CYP4V2: variants seen among roughly 807,000 people sequenced by gnomAD.
The protein encoded by CYP4V2 is cytochrome P450 4V2.
CYP4V2 carries 55 observed loss-of-function variants against 60.8 expected under a neutral mutation model. That is an observed-to-expected ratio of 0.90 (90% CI 0.73 to 1.13). The LOEUF (loss-of-function observed/expected upper bound fraction) is 1.13, where lower values mean the gene tolerates loss of function less well. CYP4V2 is among the 50% of genes most tolerant of loss of function. CYP4V2 has a pLI of 0.00. For missense variants in CYP4V2, 675 were observed against 662.9 expected (o/e 1.02, Z -0.20); for synonymous variants, 239 against 236.8 (o/e 1.01, Z -0.08).
intron 5 of CYP4V2, among the ~76,000 whole-genome samples, chr4:186,198,030 C>A (rs764174648): frequency 1.3e-5 from 2 of 152,096 alleles, no homozygotes; most frequent in Non-Finnish European, 2.9e-5. Flanking sequence ...TGTTGTTATT[C>A]TTCTTCCCAT....
Position 186,191,921 on chromosome 4 carries a change from T to C in CYP4V2, c.98T>C (p.Leu33Pro), listed in dbSNP as rs777542729. ...GCCGGCGCCAGTCTGGTCCTGAGCC[T>C]GCTGCAGAGGGTGGCGAGCTACGCG... ...SLAGASLVLS[L>P]LQRVASYARK... The change falls in exon 1 of 11, where the codon CTG (leucine) becomes CCG (proline). Residue 33 changes from leucine (L) to proline (P), a missense_variant. Coordinates refer to ENST00000378802, the MANE Select transcript of CYP4V2 (RefSeq NM_207352.4). 6.3e-7 allele frequency: 1 copy of C among 1,594,556 alleles called. No homozygotes were observed. The highest frequency in any genetic ancestry group is 1.1e-5 in the South Asian group (1 of 88,576).
At chr4:186,196,453 G>A (rs1016204538) in intron 3 of CYP4V2, 6 of 342,060 alleles carry the variant, frequency 1.8e-5, no homozygotes, top group South Asian at 1.4e-4. Context: ...CCCCAGAGAA[G>A]TACAGTGAGC....
intron 1 of CYP4V2, among the ~76,000 whole-genome samples, chr4:186,193,122 A>G (rs1002182233): frequency 7.3e-6 from 1 of 137,254 alleles, no homozygotes; most frequent in Non-Finnish European, 1.7e-5. Context: ...TCCAACACAG[A>G]TATGAAAATC....
At position 186,195,073 on chromosome 4, in the gene CYP4V2, G is replaced by A. The variant is rs7684025; in HGVS notation, c.327+461G>A. 0.47 allele frequency among the ~76,000 whole-genome samples: 71,827 copies of A among 151,992 alleles called. 17,972 individuals are homozygous for A. Among genetic ancestry groups the A allele is most frequent in the African/African-American group, 0.64 (26,376 of 41,454 alleles). ...GGGATAAATATTACAAACCCATGCT[G>A]TTGAAATTAGTCCTCCAAAAAGCTG... On this transcript the variant is annotated intron_variant, in intron 2 of 10. Transcript: ENST00000378802. The surrounding 1 kb of genome is among the most constrained non-coding windows in gnomAD (Gnocchi z 4.1).
intron 8 of CYP4V2, among the ~76,000 whole-genome samples, chr4:186,207,487 C>T (rs752940343): frequency 2.7e-5 from 4 of 145,506 alleles, no homozygotes; most frequent in Non-Finnish European, 4.5e-5. Context: ...TATTACTTTG[C>T]ATTATTAATT....
intron 7 of CYP4V2, chr4:186,202,540 A>G (rs1344078125): frequency 6.6e-6 from 1 of 152,174 alleles, no homozygotes; most frequent in Non-Finnish European, 1.5e-5. Context: ...TGCATGTCGG[A>G]GTAGAGAGAT....
At chr4:186,197,463 C>T (rs1398445742) in intron 4 of CYP4V2, 70 bp from the exon 5 acceptor site, 4 of 1,473,464 alleles carry the variant, frequency 2.7e-6, no homozygotes, top group Non-Finnish European at 3.8e-6. Flanking sequence ...TAGTGTCTGC[C>T]GCTGCAAAAT....
At chr4:186,196,319 C>T (rs553318497) in intron 3 of CYP4V2, 263 of 555,634 alleles carry the variant, frequency 4.7e-4, no homozygotes, top group Non-Finnish European at 6.5e-4. Flanking sequence ...TAGCGACTGT[C>T]GCCAGTGTTC....
intron 1 of CYP4V2, among the ~76,000 whole-genome samples, chr4:186,192,624 T>C (rs1736024608): frequency 6.6e-6 from 1 of 152,110 alleles, no homozygotes; most frequent in African/African-American, 2.4e-5. Context: ...AAACGCCTTG[T>C]TTATTAAAGA....
Position 186,211,027 on chromosome 4 carries a change from CAG to C in CYP4V2, c.*387_*388del, listed in dbSNP as rs1736703503. 1 of 222,204 alleles carries C rather than the reference CAG, an allele frequency of 4.5e-6. No individual in the cohort carries two copies. 13.8% of individuals were successfully genotyped at this position (222,204 alleles called of 1,614,324 possible). A position where few individuals can be genotyped will look rare whatever the true frequency, so the allele number is the denominator to read the frequency against. ...AATTTTTTTGTATTTTTAGTAGAAACAGGGTGTCACCATGTTGGCCAGACTGG... is the reference window on the plus strand; with the variant it reads ...AATTTTTTTGTATTTTTAGTAGAAACGGTGTCACCATGTTGGCCAGACTGG... On this transcript the variant is annotated 3_prime_UTR_variant, in exon 11 of 11. Coordinates refer to ENST00000378802, the MANE Select transcript of CYP4V2 (RefSeq NM_207352.4).
chr4:186,207,266 G>A (rs1343018576), intron 8 of CYP4V2, among the ~76,000 whole-genome samples: 3 of 151,618 alleles, frequency 2.0e-5, no homozygotes, highest in Non-Finnish European at 4.4e-5. Context: ...AAAATTAGCC[G>A]GGCATGGTGG....
intron 3 of CYP4V2, chr4:186,196,341 G>A (rs903583466): frequency 3.8e-6 from 2 of 527,016 alleles, no homozygotes; most frequent in African/African-American, 1.9e-5. Flanking sequence ...GGAAGACTCA[G>A]GAGGTCCTGA....
chr4:186,199,972 T>C (rs2292429), intron 6 of CYP4V2, among the ~76,000 whole-genome samples: 1 of 151,680 alleles, frequency 6.6e-6, no homozygotes, highest in Non-Finnish European at 1.5e-5. Flanking sequence ...AATAAATCAG[T>C]AGATGTTCCA....
In CYP4V2 at chr4:186,211,231, C is replaced by A. The variant is rs1304007222; in HGVS notation, c.*590C>A. 1 of 152,886 alleles carries A rather than the reference C, an allele frequency of 6.5e-6. No homozygotes were observed. Among genetic ancestry groups the A allele is most frequent in the Non-Finnish European group, 1.5e-5 (1 of 68,596 alleles). The allele number at this position is 152,886 out of a possible 1,614,324, so 9.5% of individuals were successfully genotyped here. A position where few individuals can be genotyped will look rare whatever the true frequency, so the allele number is the denominator to read the frequency against. ...TGTCAGCACCCAAATAAACATCTAA[C>A]AGGTTTCTCAACAGAGGAATCCACA... On this transcript the variant is annotated 3_prime_UTR_variant, in exon 11 of 11. Coordinates refer to ENST00000378802, the MANE Select transcript of CYP4V2 (RefSeq NM_207352.4).
intron 5 of CYP4V2, 151 bp from the exon 6 acceptor site, chr4:186,198,806 C>A: frequency 8.6e-7 from 1 of 1,168,852 alleles, no homozygotes; most frequent in Non-Finnish European, 1.2e-6. Flanking sequence ...CATGCCTTCA[C>A]TGCTAAGCAT....
intron 4 of CYP4V2, 153 bp from the exon 5 acceptor site, chr4:186,197,380 C>T (rs532702086): frequency 3.1e-5 from 28 of 897,254 alleles, no homozygotes; most frequent in South Asian, 4.2e-5. Flanking sequence ...AGAAGTGGAC[C>T]GTACAAGAGA....
intron 6 of CYP4V2, among the ~76,000 whole-genome samples, chr4:186,199,686 AC>A (rs1451396511): frequency 1.3e-5 from 2 of 152,236 alleles, no homozygotes; most frequent in Non-Finnish European, 2.9e-5. Flanking sequence ...AACATGGAAA[AC>A]ATTAAAACTA....
intron 8 of CYP4V2, among the ~76,000 whole-genome samples, chr4:186,206,639 C>T (rs1736514156): frequency 6.6e-6 from 1 of 152,104 alleles, no homozygotes; most frequent in African/African-American, 2.4e-5. Context: ...TGAGCAACGG[C>T]ACAGAAGTGG....
intron 6 of CYP4V2, among the ~76,000 whole-genome samples, chr4:186,200,901 TG>T (rs1736286861): frequency 6.6e-6 from 1 of 152,186 alleles, no homozygotes; most frequent in African/African-American, 2.4e-5. Flanking sequence ...ATTCTTGTGT[TG>T]GAAAGACTGC....
Sources: gnomAD v4.1 joint callset for allele counts (sites outside exome capture counted in the v4.1 genomes callset) on GRCh38, gnomAD v4.1.1 for gene constraint, Gnocchi (gnomAD v3.1) non-coding constraint, MANE v1.5 for transcripts, NCBI Gene and HGNC (gene_info 2026-07-23, HGNC 2026-07-21) for gene names.